Variants in MCF2L observed in about 807,000 individuals in gnomAD.
MCF2L encodes guanine nucleotide exchange factor DBS.
A neutral mutation model predicts 153.4 loss-of-function variants in MCF2L; 97 were observed. The observed-to-expected ratio is 0.63, with a 90% confidence interval of 0.54 to 0.75. MCF2L has a LOEUF of 0.75. MCF2L is among the 30% of genes least tolerant of loss of function. The probability of loss-of-function intolerance (pLI) is 0.00; values close to 1 mark genes in which losing one functional copy is unlikely to be tolerated. For missense variants in MCF2L, 1,347 were observed against 1,495.2 expected, an observed-to-expected ratio of 0.90 and a Z score of 1.64; for synonymous variants, 659 against 632.2, an observed-to-expected ratio of 1.04 and a Z score of -0.64.
chr13:113,029,466 A>T (rs868393506), intron 3 of MCF2L, among the ~76,000 whole-genome samples: 2 of 152,210 alleles, frequency 1.3e-5, no homozygotes, highest in Non-Finnish European at 2.9e-5. Flanking sequence ...GCCTCTGCAG[A>T]TAAAACCAGG....
chr13:113,023,433 G>A (rs1594710834), intron 2 of MCF2L, among the ~76,000 whole-genome samples: 1 of 152,206 alleles, frequency 6.6e-6, no homozygotes, highest in East Asian at 1.9e-4. Flanking sequence ...GGCGTGGCTG[G>A]GCTTGGCCAA....
At chr13:112,930,342 A>G (rs998085011) in intron 2 of MCF2L, among the ~76,000 whole-genome samples, 7 of 152,188 alleles carry the variant, frequency 4.6e-5, no homozygotes, top group South Asian at 4.1e-4. Context: ...CATGCAGATG[A>G]TGGAATATTA....
intron 2 of MCF2L, among the ~76,000 whole-genome samples, chr13:112,921,168 C>T (rs1360149445): frequency 6.6e-6 from 1 of 152,076 alleles, no homozygotes; most frequent in African/African-American, 2.4e-5. Flanking sequence ...CAGAGCAAGA[C>T]TCCGTCTCAA....
intron 14 of MCF2L, 81 bp downstream of exon 14, chr13:113,078,517 C>A (rs558043873): frequency 7.0e-6 from 10 of 1,422,748 alleles, no homozygotes; most frequent in Admixed American, 5.6e-5. Context: ...TGTGGCCCCC[C>A]CTCCCGGGCA....
intron 2 of MCF2L, among the ~76,000 whole-genome samples, chr13:112,905,922 C>T (rs910279176): frequency 6.6e-6 from 1 of 152,166 alleles, no homozygotes; most frequent in Non-Finnish European, 1.5e-5. Flanking sequence ...CCGCATCATG[C>T]AAGTATTTAT....
At chr13:112,986,455 C>T (rs2082645179) in intron 1 of MCF2L, among the ~76,000 whole-genome samples, 1 of 152,224 alleles carries the variant, frequency 6.6e-6, no homozygotes, top group Admixed American at 6.5e-5. Context: ...CACCACCGCC[C>T]CATTCACACC....
intron 4 of MCF2L, among the ~76,000 whole-genome samples, chr13:113,055,218 A>C (rs75946895): frequency 0.04 from 6,081 of 152,220 alleles, 183 homozygotes; most frequent in East Asian, 0.18. Flanking sequence ...ATAATGATCC[A>C]ATAACTTAAA....
intron 2 of MCF2L, chr13:112,910,618 T>A (rs1432028253): frequency 6.6e-6 from 1 of 152,272 alleles, no homozygotes; most frequent in African/African-American, 2.4e-5. Context: ...TTTTTAATCA[T>A]ACATGTGCCA....
chr13:113,064,848 G>T lies in MCF2L; in HGVS notation c.607-88G>T. On this transcript the variant is annotated intron_variant, in intron 6 of 29. Transcript: ENST00000535094. This position sits in a 1 kb window ranked among gnomAD's most constrained non-coding sequence, Gnocchi z 6.0. The stretch of plus-strand genomic sequence containing the variant: ...GGTCTCACCTGATGGGTCTGTGTGG[G>T]AACGGTTTCCGCCGGTGTCTGCTTT... The T allele has an allele frequency of 6.8e-7, 1 of 1,477,422 alleles. No individual in the cohort carries two copies. Among genetic ancestry groups the T allele is most frequent in the South Asian group, 1.3e-5 (1 of 76,804 alleles). 91.5% of individuals were successfully genotyped at this position (1,477,422 alleles called of 1,614,324 possible). A position where few individuals can be genotyped will look rare whatever the true frequency, so the allele number is the denominator to read the frequency against.
chr13:113,003,144 C>G (rs1296342178), intron 1 of MCF2L, among the ~76,000 whole-genome samples: 1 of 152,238 alleles, frequency 6.6e-6, no homozygotes, highest in African/African-American at 2.4e-5. Context: ...CAACTGTACT[C>G]TAGCCTGGGT....
In MCF2L at chr13:113,023,594, C is replaced by T. The variant is rs115272264; in HGVS notation, c.164-1050C>T. ...CAGTGAGGACGTGGATGAGGGGCGG[C>T]GAACCCACCATTATCTGTTCTCCAT... On this transcript the variant is annotated intron_variant, in intron 2 of 29. Transcript: ENST00000535094. Among the ~76,000 whole-genome samples, 1,141 of 152,240 alleles carry T rather than the reference C, an allele frequency of 7.5e-3. 12 individuals carry two copies. The highest frequency in any genetic ancestry group is 0.025 in the African/African-American group (1,049 of 41,530).
At chr13:113,034,566 G>C (rs796388329) in intron 3 of MCF2L, among the ~76,000 whole-genome samples, 3 of 150,714 alleles carry the variant, frequency 2.0e-5, no homozygotes, top group Non-Finnish European at 4.4e-5. Context: ...TCTCACCCTC[G>C]CCCTCACCTT....
chr13:112,967,294 C>T (rs1161644227), upstream of MCF2L, among the ~76,000 whole-genome samples: 2 of 152,038 alleles, frequency 1.3e-5, no homozygotes, highest in Non-Finnish European at 2.9e-5. Flanking sequence ...CAGGAGGTAG[C>T]AATTGTGCCG....
Position 113,094,636 on chromosome 13 carries a change from G to A in MCF2L, c.3075+1G>A. On this transcript the variant is annotated splice_donor_variant, in intron 27 of 29. Transcript: ENST00000535094. LOFTEE classifies it high-confidence loss of function. ...CGGCGGGTTGGGCCCCAAGAAGCTG[G>A]TAACCACGGCTTCCCTGTGGGCACT... is the stretch of plus-strand genomic sequence containing the variant. 1 of 1,608,598 alleles carries A rather than the reference G, an allele frequency of 6.2e-7. No homozygotes were observed. The highest frequency in any genetic ancestry group is 8.5e-7 in the Non-Finnish European group (1 of 1,178,184).
intron 2 of MCF2L, among the ~76,000 whole-genome samples, chr13:112,922,695 C>A (rs537433086): frequency 6.6e-6 from 1 of 152,156 alleles, no homozygotes; most frequent in Non-Finnish European, 1.5e-5. Context: ...ATTAGCCAGG[C>A]GTGGTGGCAC....
rs201119257 is a variant in MCF2L, at chr13:113,064,463, G to A, written c.606+43G>A. Reference sequence around the variant, plus strand: ...CAGCGGGGCTGGCTGATACCAGCTCGAGTACTTCCACAGAATCGCTCTTGC... The same window carrying A: ...CAGCGGGGCTGGCTGATACCAGCTCAAGTACTTCCACAGAATCGCTCTTGC... On this transcript the variant is annotated intron_variant, in intron 6 of 29. Transcript: ENST00000535094. This position sits in a 1 kb window ranked among gnomAD's most constrained non-coding sequence, Gnocchi z 6.0. 92 of 1,239,250 alleles carry A rather than the reference G, an allele frequency of 7.4e-5. No homozygotes were observed. Among genetic ancestry groups the A allele is most frequent in the South Asian group, 4.1e-4 (34 of 83,528 alleles). The allele number at this position is 1,239,250 out of a possible 1,614,324, so 76.8% of individuals were successfully genotyped here. A position where few individuals can be genotyped will look rare whatever the true frequency, so the allele number is the denominator to read the frequency against.
intron 27 of MCF2L, chr13:113,095,657 C>A (rs1178348531): frequency 8.1e-6 from 8 of 992,810 alleles, no homozygotes; most frequent in Non-Finnish European, 8.4e-6. Flanking sequence ...CTGCTCCAGG[C>A]CATCACGTGA....
At position 112,938,977 on chromosome 13, in the gene MCF2L, G is replaced by T. The variant is rs76106505; in HGVS notation, c.169+36606G>T. On this transcript the variant is annotated intron_variant, in intron 2 of 29. Transcript: ENST00000375608. ...CAGACATGTGGGCTGAGTTCTCAGGGCTGTGTGACAGCTGCCCCAAGTCCC... is the reference window on the plus strand; with the variant it reads ...CAGACATGTGGGCTGAGTTCTCAGGTCTGTGTGACAGCTGCCCCAAGTCCC... Among the ~76,000 whole-genome samples, 327 of 152,344 alleles carry T rather than the reference G, an allele frequency of 2.1e-3. 7 individuals carry two copies. In the East Asian group the frequency reaches 0.033, roughly 16 times the overall value.
Position 113,064,560 on chromosome 13 carries a change from G to A in MCF2L, c.606+140G>A. The A allele has an allele frequency of 1.5e-6, 1 of 649,444 alleles. No homozygotes were observed. The highest frequency in any genetic ancestry group is 1.7e-5 in the South Asian group (1 of 57,288). The allele number at this position is 649,444 out of a possible 1,614,324, so 40.2% of individuals were successfully genotyped here. Reference sequence around the variant, plus strand: ...TTTCTTTCCCAAGAATGAGGAGATGGTCTCAGTGGACCTTAGTCATTGTAA... The same window carrying A: ...TTTCTTTCCCAAGAATGAGGAGATGATCTCAGTGGACCTTAGTCATTGTAA... On this transcript the variant is annotated intron_variant, in intron 6 of 29. Transcript: ENST00000535094. This position sits in a 1 kb window ranked among gnomAD's most constrained non-coding sequence, Gnocchi z 6.0.
Sources: allele counts gnomAD v4.1 joint callset (sites outside exome capture counted in the v4.1 genomes callset), GRCh38; gene constraint gnomAD v4.1.1; non-coding constraint Gnocchi (gnomAD v3.1); transcripts MANE v1.5; gene names NCBI Gene and HGNC (gene_info 2026-07-23, HGNC 2026-07-21).